Variants in NEK11 observed in about 807,000 individuals in gnomAD.
NEK11 encodes NIMA related kinase 11, also known as serine/threonine-protein kinase Nek11.
In NEK11, 72 loss-of-function variants were observed where a neutral mutation model predicts 80.7. That is an observed-to-expected ratio of 0.89 (90% CI 0.74 to 1.08). The LOEUF (loss-of-function observed/expected upper bound fraction) is 1.08. Ranked by LOEUF, NEK11 falls within the 50% of genes least tolerant of loss-of-function variation. The pLI, the probability that NEK11 is intolerant of heterozygous loss-of-function variation, is 0.00. For missense variants in NEK11, 764 were observed against 763.6 expected (o/e 1.00, Z -0.01); for synonymous variants, 251 against 260.7 (o/e 0.96, Z 0.36).
At chr3:131,066,640 C>T (rs1479857350) in intron 3 of NEK11, among the ~76,000 whole-genome samples, 1 of 151,838 alleles carries the variant, frequency 6.6e-6, no homozygotes, top group African/African-American at 2.4e-5. Flanking sequence ...TCAAGACCAG[C>T]CTGGCCAACA....
In NEK11 at chr3:131,029,630, A is replaced by T; in HGVS notation, c.-79A>T. ...TCTTTAAGGAACTGACCAACACTGGATGAATTTGACCATTTCTTAGGAGAC... is the reference window on the plus strand; with the variant it reads ...TCTTTAAGGAACTGACCAACACTGGTTGAATTTGACCATTTCTTAGGAGAC... On this transcript the variant is annotated 5_prime_UTR_variant, in exon 3 of 18. It removes an upstream start codon present in the reference 5' UTR. Transcript: ENST00000383366. 1 of 1,382,338 alleles carries T rather than the reference A, an allele frequency of 7.2e-7. No homozygotes were observed. Among genetic ancestry groups the T allele is most frequent in the Non-Finnish European group, 1.0e-6 (1 of 991,816 alleles). The allele number at this position is 1,382,338 out of a possible 1,614,324, so 85.6% of individuals were successfully genotyped here.
rs193035612 is a variant in NEK11 at position 131,177,769 on chromosome 3, A to C, written c.1399+6882A>C. Among the ~76,000 whole-genome samples the C allele has an allele frequency of 5.5e-4, 84 of 152,352 alleles. 1 individual carries two copies. Among genetic ancestry groups the C allele is most frequent in the African/African-American group, 1.9e-3 (80 of 41,574 alleles). ...ACTTTAAAAAGAATAGTAAGTAGTT[A>C]TATTATAAAAATTACAGACACAGGA... On this transcript the variant is annotated intron_variant, in intron 14 of 17. Transcript: ENST00000383366.
intron 5 of NEK11, among the ~76,000 whole-genome samples, chr3:131,119,569 A>G (rs551170529): frequency 7.9e-5 from 12 of 152,100 alleles, no homozygotes; most frequent in African/African-American, 1.9e-4. Flanking sequence ...TGACAGTGGG[A>G]TGTTAAAGTC....
At position 131,062,238 on chromosome 3, in the gene NEK11, G is replaced by A. The variant is rs181149557; in HGVS notation, c.171-18185G>A. ...GTTGTGGAGTAATTTTCATATTGTT[G>A]TGTAACTTGGGAATAGATGTACATG... is the stretch of plus-strand genomic sequence containing the variant. On this transcript the variant is annotated intron_variant, in intron 3 of 17. Coordinates refer to ENST00000383366, the MANE Select transcript of NEK11 (RefSeq NM_024800.5). Among the ~76,000 whole-genome samples the A allele has an allele frequency of 4.5e-4, 68 of 152,234 alleles. 1 individual carries two copies. The East Asian group carries it at 0.013, about 29-fold the overall frequency.
At chr3:131,274,221 T>C (rs1049668623) in intron 17 of NEK11, among the ~76,000 whole-genome samples, 13 of 149,030 alleles carry the variant, frequency 8.7e-5, no homozygotes, top group Non-Finnish European at 1.8e-4. Context: ...TGGTTTTTTG[T>C]TCTTGCGATA....
intron 15 of NEK11, among the ~76,000 whole-genome samples, chr3:131,231,538 ATAGAG>A (rs2095330286): frequency 6.6e-6 from 1 of 151,174 alleles, no homozygotes; most frequent in African/African-American, 2.4e-5. Context: ...TTAGCAAAAA[ATAGAG>A]TAATTTGTTT....
chr3:131,194,193 T>A (rs2093911606), intron 14 of NEK11, among the ~76,000 whole-genome samples: 1 of 152,238 alleles, frequency 6.6e-6, no homozygotes, highest in Non-Finnish European at 1.5e-5. Flanking sequence ...GTTTTCCCAG[T>A]TATATTCTTA....
intron 5 of NEK11, among the ~76,000 whole-genome samples, chr3:131,114,795 T>C (rs2080759742): frequency 6.6e-6 from 1 of 152,234 alleles, no homozygotes; most frequent in South Asian, 2.1e-4. Context: ...TATAGGCTTG[T>C]CTACAAAGCA....
chr3:131,255,621 G>A (rs1386695058), intron 16 of NEK11, among the ~76,000 whole-genome samples: 1 of 152,058 alleles, frequency 6.6e-6, no homozygotes, highest in African/African-American at 2.4e-5. Flanking sequence ...ACACTTCTGA[G>A]CTTTCACACT....
chr3:131,069,153 GT>G (rs969567910), intron 3 of NEK11, among the ~76,000 whole-genome samples: 1 of 151,722 alleles, frequency 6.6e-6, no homozygotes, highest in Non-Finnish European at 1.5e-5. Flanking sequence ...TTTATTTTTA[GT>G]TTATTAGTTT....
intron 16 of NEK11, among the ~76,000 whole-genome samples, chr3:131,254,887 G>C (rs2095776519): frequency 6.6e-6 from 1 of 151,948 alleles, no homozygotes; most frequent in South Asian, 2.1e-4. Context: ...AGGCATTATG[G>C]CGGGTGCCTG....
intron 14 of NEK11, among the ~76,000 whole-genome samples, chr3:131,226,526 A>G (rs558349639): frequency 6.6e-6 from 1 of 152,204 alleles, no homozygotes; most frequent in Non-Finnish European, 1.5e-5. Flanking sequence ...TGTCTTTTGC[A>G]GCAACCTGGA....
intron 5 of NEK11, 60 bp from the exon 6 acceptor site, chr3:131,132,685 A>G: frequency 1.2e-6 from 1 of 836,322 alleles, no homozygotes; most frequent in Non-Finnish European, 1.9e-6. Context: ...TATTATTTAC[A>G]TGGGGATTTA....
At chr3:131,076,277 G>A (rs949352761) in intron 3 of NEK11, among the ~76,000 whole-genome samples, 2 of 152,190 alleles carry the variant, frequency 1.3e-5, no homozygotes, top group African/African-American at 4.8e-5. Flanking sequence ...TAAGCAAATT[G>A]TGTAAGCTGT....
At chr3:131,271,854 G>A (rs2096194170) in intron 16 of NEK11, among the ~76,000 whole-genome samples, 1 of 151,712 alleles carries the variant, frequency 6.6e-6, no homozygotes, top group Non-Finnish European at 1.5e-5. Flanking sequence ...AGTTTGGGAG[G>A]CCGAGGTGGG....
At chr3:131,116,540 G>A (rs1376855884) in intron 5 of NEK11, among the ~76,000 whole-genome samples, 3 of 152,180 alleles carry the variant, frequency 2.0e-5, no homozygotes, top group Admixed American at 2.0e-4. Flanking sequence ...AGATCCTTGA[G>A]GAATCGCCAC....
chr3:131,255,074 A>C (rs201605869), intron 16 of NEK11, among the ~76,000 whole-genome samples: 10,538 of 120,438 alleles, frequency 0.087, 636 homozygotes, highest in East Asian at 0.22. Flanking sequence ...GACAGACAGA[A>C]AGAAGGAAAG....
intron 14 of NEK11, among the ~76,000 whole-genome samples, chr3:131,218,334 T>C (rs2094910662): frequency 6.6e-6 from 1 of 152,160 alleles, no homozygotes; most frequent in Non-Finnish European, 1.5e-5. Context: ...AGCAAGGATG[T>C]GGTCTCAGCT....
chr3:131,170,411 A>C (rs1560771190), intron 13 of NEK11, among the ~76,000 whole-genome samples: 1 of 152,236 alleles, frequency 6.6e-6, no homozygotes. Context: ...GAAACTGAGC[A>C]GGGCTGGAGT....
Sources: gnomAD v4.1 joint callset for allele counts (sites outside exome capture counted in the v4.1 genomes callset) on GRCh38, gnomAD v4.1.1 for gene constraint, MANE v1.5 for transcripts, NCBI Gene and HGNC (gene_info 2026-07-23, HGNC 2026-07-21) for gene names.